The following L3MBTL4 variants were observed in gnomAD, a reference collection of about 807,000 sequenced individuals.
L3MBTL4 encodes L3MBTL histone methyl-lysine binding protein 4, also known as lethal(3)malignant brain tumor-like protein 4.
L3MBTL4 carries 70 observed loss-of-function variants against 84.5 expected under a neutral mutation model. The ratio of observed to expected loss-of-function variants is 0.83; its 90% CI spans 0.68 to 1.01. L3MBTL4 has a LOEUF of 1.01. Ranked by LOEUF, L3MBTL4 falls within the 50% of genes least tolerant of loss-of-function variation. The pLI, the probability that L3MBTL4 is intolerant of heterozygous loss-of-function variation, is 0.00. For synonymous variants in L3MBTL4, 274 were observed against 259.8 expected (o/e 1.05, Z -0.52); for missense variants, 715 against 754.8 (o/e 0.95, Z 0.62).
chr18:6,086,047 T>C (rs28679316), intron 15 of L3MBTL4, among the ~76,000 whole-genome samples: 1,986 of 152,352 alleles, frequency 0.013, 47 homozygotes, highest in African/African-American at 0.046. Context: ...TTAATGTTTT[T>C]AGTTTTTATT....
chr18:6,113,664 A>G (rs951167881), intron 14 of L3MBTL4, among the ~76,000 whole-genome samples: 1 of 152,118 alleles, frequency 6.6e-6, no homozygotes, highest in African/African-American at 2.4e-5. Flanking sequence ...TTACCAATTC[A>G]CTTGATTCAA....
intron 17 of L3MBTL4, 118 bp downstream of exon 17, chr18:5,969,275 G>T (rs557536641): frequency 1.8e-6 from 2 of 1,097,734 alleles, no homozygotes; most frequent in South Asian, 1.4e-5. Context: ...TGGCAGATGC[G>T]ATGCCTAAGA....
intron 1 of L3MBTL4, among the ~76,000 whole-genome samples, chr18:6,359,193 C>T (rs1279116183): frequency 6.6e-6 from 1 of 152,216 alleles, no homozygotes; most frequent in Non-Finnish European, 1.5e-5. Flanking sequence ...GGCACGGCGG[C>T]TCATGCCTGT....
chr18:6,089,975 A>G (rs539680686), intron 15 of L3MBTL4, among the ~76,000 whole-genome samples: 1 of 152,312 alleles, frequency 6.6e-6, no homozygotes, highest in Admixed American at 6.5e-5. Flanking sequence ...TTACAAAATT[A>G]TGGGAAGCTC....
At chr18:6,208,035 G>A (rs538357298) in intron 12 of L3MBTL4, among the ~76,000 whole-genome samples, 144 of 152,026 alleles carry the variant, frequency 9.5e-4, no homozygotes, top group Non-Finnish European at 1.8e-3. Flanking sequence ...AATTGTGTGA[G>A]CCCATGGAGG....
intron 4 of L3MBTL4, among the ~76,000 whole-genome samples, chr18:6,297,477 A>G (rs961242798): frequency 6.6e-6 from 1 of 152,222 alleles, no homozygotes; most frequent in Admixed American, 6.5e-5. Context: ...AAACTGGGTG[A>G]AGGGTATGCA....
At chr18:6,198,272 TTGTC>T (rs2045495780) in intron 12 of L3MBTL4, among the ~76,000 whole-genome samples, 2 of 152,328 alleles carry the variant, frequency 1.3e-5, no homozygotes, top group African/African-American at 2.4e-5. Flanking sequence ...TTGGCTCCAT[TTGTC>T]TGTTTCATTT....
chr18:6,341,088 T>C (rs2052587486), intron 1 of L3MBTL4, among the ~76,000 whole-genome samples: 2 of 152,022 alleles, frequency 1.3e-5, no homozygotes, highest in African/African-American at 4.8e-5. Context: ...AGAGTCTCAC[T>C]AACGAAGCTC....
intron 12 of L3MBTL4, among the ~76,000 whole-genome samples, chr18:6,200,651 C>T (rs927405766): frequency 6.6e-6 from 1 of 152,150 alleles, no homozygotes. Context: ...TATTACAATT[C>T]TGCCATGGTT....
At chr18:6,391,081 C>G (rs752078536) in intron 1 of L3MBTL4, among the ~76,000 whole-genome samples, 3 of 152,072 alleles carry the variant, frequency 2.0e-5, no homozygotes, top group Non-Finnish European at 4.4e-5. Flanking sequence ...ATGCAAAAAT[C>G]TTCAACAAAA....
At chr18:6,291,351 A>T (rs569636248) in intron 4 of L3MBTL4, among the ~76,000 whole-genome samples, 1 of 152,266 alleles carries the variant, frequency 6.6e-6, no homozygotes, top group East Asian at 1.9e-4. Context: ...GTTCGCTTTA[A>T]TTCAACCCAG....
At chr18:6,048,208 A>C (rs1340798822) in intron 16 of L3MBTL4, among the ~76,000 whole-genome samples, 1 of 152,218 alleles carries the variant, frequency 6.6e-6, no homozygotes, top group African/African-American at 2.4e-5. Context: ...AAAGAACTAC[A>C]AAACACTGCT....
At chr18:6,145,491 AAG>A (rs1479721577) in intron 13 of L3MBTL4, among the ~76,000 whole-genome samples, 8 of 149,246 alleles carry the variant, frequency 5.4e-5, no homozygotes, top group Admixed American at 1.3e-4. Flanking sequence ...ATCAAAAAAA[AAG>A]AAGAAGAAGA....
At chr18:6,221,374 G>C (rs1210850118) in intron 10 of L3MBTL4, among the ~76,000 whole-genome samples, 1 of 152,130 alleles carries the variant, frequency 6.6e-6, no homozygotes, top group Non-Finnish European at 1.5e-5. Context: ...GATCTGCCAA[G>C]GGTCTATCAC....
chr18:6,168,934 C>T (rs1323257045), intron 13 of L3MBTL4, among the ~76,000 whole-genome samples: 2 of 152,098 alleles, frequency 1.3e-5, no homozygotes, highest in Non-Finnish European at 2.9e-5. Context: ...ACTCATCTGA[C>T]AAAGGGCTAA....
At chr18:6,198,200 C>G (rs964369131) in intron 12 of L3MBTL4, among the ~76,000 whole-genome samples, 1 of 152,160 alleles carries the variant, frequency 6.6e-6, no homozygotes, top group African/African-American at 2.4e-5. Context: ...ACAGAATAAT[C>G]CCTGCACCAA....
chr18:6,040,656 G>C (rs1375496066), intron 16 of L3MBTL4, among the ~76,000 whole-genome samples: 1 of 152,132 alleles, frequency 6.6e-6, no homozygotes, highest in Non-Finnish European at 1.5e-5. Flanking sequence ...TTTGAGACAA[G>C]GAGTCCTTTG....
intron 5 of L3MBTL4, among the ~76,000 whole-genome samples, chr18:6,253,820 C>T (rs2048026332): frequency 6.6e-6 from 1 of 152,188 alleles, no homozygotes; most frequent in Non-Finnish European, 1.5e-5. Context: ...TCCTTCCTTG[C>T]TTTTTCCTTG....
At chr18:6,099,132 C>T (rs1409977807) in intron 14 of L3MBTL4, among the ~76,000 whole-genome samples, 1 of 152,170 alleles carries the variant, frequency 6.6e-6, no homozygotes, top group Non-Finnish European at 1.5e-5. Flanking sequence ...CCTCCCGCCC[C>T]GGGAAAGCAA....
Sources: allele counts gnomAD v4.1 joint callset (sites outside exome capture counted in the v4.1 genomes callset), GRCh38; gene constraint gnomAD v4.1.1; transcripts MANE v1.5; gene names NCBI Gene and HGNC (gene_info 2026-07-23, HGNC 2026-07-21).